The following TANGO6 variants were observed in gnomAD, a reference collection of about 807,000 sequenced individuals.
TANGO6 encodes transport and golgi organization 6 homolog.
A neutral mutation model predicts 114.2 loss-of-function variants in TANGO6; 90 were observed. That is an observed-to-expected ratio of 0.79 (90% confidence interval 0.66 to 0.94). TANGO6 has a LOEUF of 0.94. Ranked by LOEUF, TANGO6 falls within the 40% of genes least tolerant of loss-of-function variation. The probability of loss-of-function intolerance (pLI) is 0.00; values close to 1 mark genes in which losing one functional copy is unlikely to be tolerated. For synonymous variants in TANGO6, 477 were observed against 509.8 expected (o/e 0.94, Z 0.87); for missense variants, 1,274 against 1,315.3 (o/e 0.97, Z 0.49).
intron 15 of TANGO6, among the ~76,000 whole-genome samples, chr16:69,004,542 G>A (rs186988501): frequency 6.6e-6 from 1 of 152,002 alleles, no homozygotes; most frequent in Admixed American, 6.6e-5. Flanking sequence ...TTTTAGTAGA[G>A]ATGAGGTTTC....
chr16:68,932,311 G>A (rs979916952), intron 14 of TANGO6, among the ~76,000 whole-genome samples: 1 of 151,696 alleles, frequency 6.6e-6, no homozygotes, highest in African/African-American at 2.4e-5. Context: ...GGCTGGTCTC[G>A]AACTCCTGAC....
chr16:68,953,613 T>G (rs1963495780), intron 14 of TANGO6, among the ~76,000 whole-genome samples: 1 of 152,152 alleles, frequency 6.6e-6, no homozygotes, highest in Non-Finnish European at 1.5e-5. Flanking sequence ...CCAACTTTAC[T>G]AGATAAAGGG....
intron 17 of TANGO6, among the ~76,000 whole-genome samples, chr16:69,043,110 C>T (rs1959797854): frequency 6.6e-6 from 1 of 152,018 alleles, no homozygotes; most frequent in Non-Finnish European, 1.5e-5. Flanking sequence ...CCTGTAATCC[C>T]AGCTAGTCGG....
chr16:68,850,580 T>G (rs968390210), intron 1 of TANGO6, among the ~76,000 whole-genome samples: 3 of 152,236 alleles, frequency 2.0e-5, no homozygotes, highest in African/African-American at 7.2e-5. Flanking sequence ...AATAATTTTC[T>G]GTGTGGTTAT....
At chr16:68,863,084 G>T (rs774538276) in intron 3 of TANGO6, 23 bp downstream of exon 3, 2 of 1,383,242 alleles carry the variant, frequency 1.4e-6, no homozygotes, top group Non-Finnish European at 1.9e-6. Context: ...AGGGACTCTT[G>T]GGGGTGACTC....
At chr16:69,015,033 C>T (rs1959269854) in intron 15 of TANGO6, among the ~76,000 whole-genome samples, 1 of 152,138 alleles carries the variant, frequency 6.6e-6, no homozygotes, top group African/African-American at 2.4e-5. Context: ...GAAACCAGTT[C>T]AAGCCAACTC....
chr16:69,024,039 C>G (rs2152228595), intron 16 of TANGO6, among the ~76,000 whole-genome samples: 1 of 151,392 alleles, frequency 6.6e-6, no homozygotes, highest in Admixed American at 6.6e-5. Flanking sequence ...TCCCATGTAG[C>G]TGGGACCATG....
rs368940485 is a variant in TANGO6, at chr16:68,962,760, T to A, written c.2702-11268T>A. On this transcript the variant is annotated intron_variant, in intron 14 of 17. Transcript: ENST00000261778. ...TGGGCAACAAGAGCAAAACTCTGTC[T>A]CAAAAAAATAATAATAATAAAATAA... Among the ~76,000 whole-genome samples, 7 of 149,196 alleles carry A rather than the reference T, an allele frequency of 4.7e-5. 1 individual carries two copies. The highest frequency in any genetic ancestry group is 6.7e-5 in the Admixed American group (1 of 14,890).
At chr16:69,062,781 G>GA (rs1960141888) in intron 17 of TANGO6, among the ~76,000 whole-genome samples, 1 of 66,022 alleles carries the variant, frequency 1.5e-5, no homozygotes, top group South Asian at 4.9e-4. Flanking sequence ...CCCATAAAAA[G>GA]AAATTTAAAA....
chr16:69,024,264 A>C (rs1597062299), intron 16 of TANGO6, among the ~76,000 whole-genome samples: 2 of 140,998 alleles, frequency 1.4e-5, no homozygotes, highest in African/African-American at 5.3e-5. Flanking sequence ...GTCTTTCTCT[A>C]GCCCCCTTTT....
intron 14 of TANGO6, among the ~76,000 whole-genome samples, chr16:68,935,495 A>G (rs1424040156): frequency 6.6e-6 from 1 of 152,174 alleles, no homozygotes; most frequent in African/African-American, 2.4e-5. Flanking sequence ...TATCACAGCA[A>G]TCTGAGAACT....
In TANGO6 at chr16:68,922,999, G is replaced by A. The variant is rs55814744; in HGVS notation, c.2127+3780G>A. Among the ~76,000 whole-genome samples, 778 of 146,548 alleles carry A rather than the reference G, an allele frequency of 5.3e-3. 8 individuals carry two copies. The highest frequency in any genetic ancestry group is 9.4e-3 in the Non-Finnish European group (632 of 67,158). ...AGTTTCGCTCGTTGCCCAGGCTGGG[G>A]TGCAATGGCACGATCTCGGCTCACC... On this transcript the variant is annotated intron_variant, in intron 12 of 17. Transcript: ENST00000261778.
chr16:69,017,904 T>C (rs923056978), intron 15 of TANGO6, among the ~76,000 whole-genome samples: 6 of 149,262 alleles, frequency 4.0e-5, no homozygotes, highest in African/African-American at 1.5e-4. Context: ...TGGAAATCTT[T>C]TTTTTTTTTT....
In TANGO6 at chr16:69,085,152, T is replaced by TA. The variant is rs1361340292; in HGVS notation, c.*1496dup. Reference sequence around the variant, plus strand: ...TCCTTTGGGCCAGCTGGATGTACAATAAAAATGCTTGTTTCTTGGCCTTCC... The same window carrying TA: ...TCCTTTGGGCCAGCTGGATGTACAATAAAAAATGCTTGTTTCTTGGCCTTCC... On this transcript the variant is annotated 3_prime_UTR_variant, in exon 18 of 18. Transcript: ENST00000261778. 1.3e-5 allele frequency: 2 copies of TA among 152,348 alleles called. No individual in the cohort carries two copies. Among genetic ancestry groups the TA allele is most frequent in the Non-Finnish European group, 2.9e-5 (2 of 68,032 alleles). The allele number at this position is 152,348 out of a possible 1,614,324, so 9.4% of individuals were successfully genotyped here. A position where few individuals can be genotyped will look rare whatever the true frequency, so the allele number is the denominator to read the frequency against.
intron 14 of TANGO6, among the ~76,000 whole-genome samples, chr16:68,965,950 G>T (rs77528696): frequency 0.027 from 4,059 of 151,916 alleles, 169 homozygotes; most frequent in African/African-American, 0.092. Context: ...GAACAATTCA[G>T]ACCAGGTGTA....
intron 17 of TANGO6, among the ~76,000 whole-genome samples, chr16:69,046,636 G>A (rs1359411516): frequency 6.6e-6 from 1 of 151,784 alleles, no homozygotes; most frequent in Non-Finnish European, 1.5e-5. Flanking sequence ...GGATTTTAAA[G>A]CAAATATTAT....
At chr16:69,019,777 A>G (rs1055335707) in intron 15 of TANGO6, among the ~76,000 whole-genome samples, 4 of 152,138 alleles carry the variant, frequency 2.6e-5, no homozygotes, top group Non-Finnish European at 4.4e-5. Flanking sequence ...GGCTCAAGCA[A>G]TCCTCCCGCC....
intron 15 of TANGO6, 50 bp downstream of exon 15, chr16:68,974,218 A>T (rs1963738884): frequency 6.2e-7 from 1 of 1,611,242 alleles, no homozygotes; most frequent in East Asian, 2.2e-5. Context: ...GATCAGTGTG[A>T]CTTTGAAACC....
In TANGO6 at chr16:68,930,284, C is replaced by G. The variant is rs1963222099; in HGVS notation, c.2690C>G (p.Ser897Cys). The G allele has an allele frequency of 3.9e-6, 6 of 1,554,244 alleles. No individual in the cohort carries two copies. Among genetic ancestry groups the G allele is most frequent in the Non-Finnish European group, 4.4e-6 (5 of 1,147,778 alleles). ...CATGAAGACACTTTTGTATATCTAT[C>G]TGCAATTCAGGGTAAGTCAGTCCTG... ...LEHEDTFVYL[S>C]AIQGVALLSD... Residue 897 changes from serine (S) to cysteine (C), a missense_variant, in exon 14 of 18, where the codon TCT becomes TGT. This residue lies in a region of TANGO6 where 238 missense variants were observed against 252.9 expected (regional missense o/e 0.94). Coordinates refer to ENST00000261778, the MANE Select transcript of TANGO6 (RefSeq NM_024562.2).
Sources: allele counts gnomAD v4.1 joint callset (sites outside exome capture counted in the v4.1 genomes callset), GRCh38; gene constraint gnomAD v4.1.1; regional missense constraint gnomAD v4.1.1; transcripts MANE v1.5; gene names NCBI Gene and HGNC (gene_info 2026-07-23, HGNC 2026-07-21).